Variants in ACACA observed in about 807,000 individuals in gnomAD.
ACACA encodes the protein acetyl-CoA carboxylase 1.
Under a neutral mutation model 296.1 loss-of-function variants are expected in ACACA, and 103 were observed. The ratio of observed to expected loss-of-function variants is 0.35; its 90% CI spans 0.30 to 0.41. The LOEUF is 0.41. ACACA is among the 10% of genes least tolerant of loss of function. The probability of loss-of-function intolerance (pLI) is 1.00; values close to 1 mark genes in which losing one functional copy is unlikely to be tolerated. For missense variants in ACACA, 1,554 were observed against 2,989.7 expected (o/e 0.52, Z 11.20); for synonymous variants, 953 against 1,038.6 (o/e 0.92, Z 1.58).
chr17:37,159,506 C>G (rs1249238083), intron 42 of ACACA, among the ~76,000 whole-genome samples: 4 of 152,122 alleles, frequency 2.6e-5, no homozygotes, highest in African/African-American at 9.7e-5. Flanking sequence ...CTGCAACCAG[C>G]CAAAATTCAC....
intron 33 of ACACA, among the ~76,000 whole-genome samples, chr17:37,204,073 C>T (rs758386412): frequency 3.9e-5 from 6 of 152,164 alleles, no homozygotes; most frequent in African/African-American, 1.4e-4. Context: ...GCCAATGGTA[C>T]GAACTGTCTA....
rs527299822 is a variant in ACACA at position 37,119,949 on chromosome 17, G to A, written c.6274+1406C>T. On this transcript the variant is annotated intron_variant, in intron 50 of 55. Coordinates refer to ENST00000616317, the MANE Select transcript of ACACA (RefSeq NM_198834.3). Reference sequence around the variant, plus strand: ...GCTCTGTCGCCCAGGCTGGAGTGCAGTGGTGCAATCTCGGCTCACTGCAAC... The same window carrying A: ...GCTCTGTCGCCCAGGCTGGAGTGCAATGGTGCAATCTCGGCTCACTGCAAC... Among the ~76,000 whole-genome samples the A allele has an allele frequency of 2.0e-5, 3 of 146,462 alleles. No individual in the cohort carries two copies. The East Asian group carries it at 6.0e-4, about 29-fold the overall frequency.
chr17:37,355,421 T>C (rs2049090586), intron 1 of ACACA, among the ~76,000 whole-genome samples: 1 of 151,494 alleles, frequency 6.6e-6, no homozygotes. Flanking sequence ...CCAGGTGTGG[T>C]GGCAGGCGCC....
At chr17:37,277,778 G>T in intron 6 of ACACA, 118 bp downstream of exon 6, 2 of 739,388 alleles carry the variant, frequency 2.7e-6, no homozygotes, top group Non-Finnish European at 4.9e-6. Context: ...CCCATACACA[G>T]GCATTTAATA....
intron 1 of ACACA, chr17:37,376,037 AGGGCTGTGACAGATGAGCAGT>A: frequency 6.8e-7 from 1 of 1,472,774 alleles, no homozygotes; most frequent in East Asian, 2.3e-5. Context: ...AGAGCTATCA[AGGGCTGTGACAGATGAGCAGT>A]GGTCTGTCTG....
chr17:37,264,273 A>C (rs2081645307), intron 10 of ACACA, among the ~76,000 whole-genome samples: 1 of 152,244 alleles, frequency 6.6e-6, no homozygotes, highest in Non-Finnish European at 1.5e-5. Flanking sequence ...TTCCTGGTTC[A>C]CATTACATCA....
intron 43 of ACACA, among the ~76,000 whole-genome samples, chr17:37,153,566 T>C (rs190097250): frequency 3.2e-4 from 48 of 152,338 alleles, no homozygotes; most frequent in African/African-American, 1.1e-3. Flanking sequence ...ATATCCAAGC[T>C]GATTCCAAGG....
At chr17:37,210,524 A>T (rs1225428736) in intron 29 of ACACA, 34 bp from the exon 30 acceptor site, 33 of 1,597,794 alleles carry the variant, frequency 2.1e-5, no homozygotes, top group Non-Finnish European at 2.8e-5. Context: ...GTTACTGATA[A>T]GTTAGTGAAA....
chr17:37,241,405 G>A (rs2080395680), intron 23 of ACACA, among the ~76,000 whole-genome samples: 1 of 152,020 alleles, frequency 6.6e-6, no homozygotes, highest in Non-Finnish European at 1.5e-5. Context: ...CAAAATTTCT[G>A]TGCCTTATTA....
At chr17:37,320,157 T>C (rs970601882) in intron 3 of ACACA, among the ~76,000 whole-genome samples, 1 of 151,918 alleles carries the variant, frequency 6.6e-6, no homozygotes, top group Non-Finnish European at 1.5e-5. Context: ...TATAAATATA[T>C]ATTTTCTAAC....
chr17:37,227,859 C>CAAAA (rs60565367), intron 25 of ACACA, among the ~76,000 whole-genome samples: 5 of 102,740 alleles, frequency 4.9e-5, no homozygotes, highest in Admixed American at 1.0e-4. Context: ...GACTCTGTCT[C>CAAAA]AAAAAAAAAA....
intron 47 of ACACA, among the ~76,000 whole-genome samples, chr17:37,126,693 A>G (rs1315901436): frequency 1.3e-5 from 2 of 152,020 alleles, no homozygotes; most frequent in Non-Finnish European, 2.9e-5. Flanking sequence ...GAGCAAGCTA[A>G]CCTCTGCTGA....
intron 47 of ACACA, among the ~76,000 whole-genome samples, chr17:37,128,139 C>G (rs1458836656): frequency 2.0e-5 from 3 of 149,756 alleles, no homozygotes; most frequent in Non-Finnish European, 4.4e-5. Context: ...AGAAGAGGCA[C>G]TGAAGACAAC....
At chr17:37,403,512 C>T (rs1040449985) in intron 1 of ACACA, among the ~76,000 whole-genome samples, 5 of 151,978 alleles carry the variant, frequency 3.3e-5, no homozygotes, top group Non-Finnish European at 7.4e-5. Context: ...GCTGGGACTA[C>T]AGGCATGCGC....
rs186426832 is a variant in ACACA, at chr17:37,093,194, C to T, written c.6891+3802G>A. Among the ~76,000 whole-genome samples, 158 of 152,288 alleles carry T rather than the reference C, an allele frequency of 1.0e-3. 1 individual carries two copies. The highest frequency in any genetic ancestry group is 2.9e-4 in the Non-Finnish European group (20 of 68,026). The stretch of plus-strand genomic sequence containing the variant: ...AGTGACCCTGTCAATAGTGCTTTTT[C>T]CTATGGTCCTCACAGGGGCCTCTGT... On this transcript the variant is annotated intron_variant, in intron 54 of 55. Coordinates refer to ENST00000616317, the MANE Select transcript of ACACA (RefSeq NM_198834.3).
At chr17:37,270,708 T>A in intron 10 of ACACA, 43 bp downstream of exon 10, 1 of 1,376,858 alleles carries the variant, frequency 7.3e-7, no homozygotes, top group Non-Finnish European at 1.0e-6. Flanking sequence ...ATATCTCTGA[T>A]ATACATGTTA....
At chr17:37,247,110 A>C in intron 18 of ACACA, 134 bp from the exon 19 acceptor site, 2 of 943,028 alleles carry the variant, frequency 2.1e-6, no homozygotes, top group Non-Finnish European at 3.3e-6. Flanking sequence ...TATTCACTGC[A>C]TATTTGTTTA....
Position 37,206,888 on chromosome 17 carries a change from T to A in ACACA, c.3852-9A>T, listed in dbSNP as rs2078525299. ...TCACTTCATCAAAGATCCTAAAAAATACAAGAGAAACACCCACCATGAAAA... is the reference window on the plus strand; with the variant it reads ...TCACTTCATCAAAGATCCTAAAAAAAACAAGAGAAACACCCACCATGAAAA... On this transcript the variant is annotated splice_polypyrimidine_tract_variant and intron_variant, in intron 31 of 55. Coordinates refer to ENST00000616317, the MANE Select transcript of ACACA (RefSeq NM_198834.3). The A allele has an allele frequency of 6.2e-7, 1 of 1,606,744 alleles. No homozygotes were observed. The highest frequency in any genetic ancestry group is 1.7e-5 in the Admixed American group (1 of 59,956).
At chr17:37,350,797 C>G (rs1012646645) in intron 1 of ACACA, among the ~76,000 whole-genome samples, 2 of 151,414 alleles carry the variant, frequency 1.3e-5, no homozygotes, top group African/African-American at 4.9e-5. Flanking sequence ...CAAGATCAGG[C>G]CATTGTACTC....
Sources: allele counts gnomAD v4.1 joint callset (sites outside exome capture counted in the v4.1 genomes callset), GRCh38; gene constraint gnomAD v4.1.1; transcripts MANE v1.5; gene names NCBI Gene and HGNC (gene_info 2026-07-23, HGNC 2026-07-21).